TECPR2: variants seen among roughly 807,000 people sequenced by gnomAD.
TECPR2 encodes the protein tectonin beta-propeller repeat containing 2.
In TECPR2, 65 loss-of-function variants were observed where a neutral mutation model predicts 138.1. That is an observed-to-expected ratio of 0.47 (90% CI 0.39 to 0.58). The LOEUF (loss-of-function observed/expected upper bound fraction) is 0.58, where lower values mean the gene tolerates loss of function less well. TECPR2 is among the 20% of genes least tolerant of loss of function. The pLI is 0.00. For missense variants in TECPR2, 1,553 were observed against 1,824.5 expected (o/e 0.85, Z 2.71); for synonymous variants, 746 against 749.8 (o/e 0.99, Z 0.08).
At chr14:102,411,741 T>A (rs1158147208) in intron 4 of TECPR2, among the ~76,000 whole-genome samples, 2 of 95,768 alleles carry the variant, frequency 2.1e-5, no homozygotes, top group African/African-American at 7.7e-5. Flanking sequence ...AGAAGATGGC[T>A]GGATTCTGCA....
At chr14:102,446,402 C>A (rs1336815578) in intron 13 of TECPR2, among the ~76,000 whole-genome samples, 1 of 152,118 alleles carries the variant, frequency 6.6e-6, no homozygotes, top group Non-Finnish European at 1.5e-5. Context: ...AGTTCAAAGC[C>A]AGCCTGGGCA....
intron 17 of TECPR2, among the ~76,000 whole-genome samples, chr14:102,480,211 G>GTTTTTTTT: frequency 1.4e-5 from 1 of 71,368 alleles, no homozygotes; most frequent in Non-Finnish European, 2.6e-5. Context: ...ATCTTGGTTG[G>GTTTTTTTT]TTTTTTTTTT....
intron 17 of TECPR2, among the ~76,000 whole-genome samples, chr14:102,493,587 G>A (rs1595151511): frequency 6.6e-6 from 1 of 152,234 alleles, no homozygotes; most frequent in Non-Finnish European, 1.5e-5. Flanking sequence ...GAGGGAAGGT[G>A]GTGAATAGAA....
At position 102,431,822 on chromosome 14, in the gene TECPR2, T is replaced by C; in HGVS notation, c.1111T>C (p.Cys371Arg). ...TVRDGLEMSGCSERVHVQQAE... is the reference protein window; with the variant it reads ...TVRDGLEMSGRSERVHVQQAE... ...GAGAGATGGTCTGGAGATGTCTGGA[T>C]GCTCAGAGCGTGTCCACGTGCAGCA... is the stretch of plus-strand genomic sequence containing the variant. The change falls in exon 8 of 20, where the codon TGC becomes CGC. Residue 371 changes from cysteine to arginine, a missense_variant. Cys to Arg is a radical substitution (Grantham distance 180). Transcript: ENST00000359520. 6.3e-7 allele frequency: 1 copy of C among 1,581,676 alleles called. No homozygotes were observed. The highest frequency in any genetic ancestry group is 8.6e-7 in the Non-Finnish European group (1 of 1,157,882).
chr14:102,484,790 TGGGATTACA>T (rs1890985333), intron 17 of TECPR2, among the ~76,000 whole-genome samples: 1 of 152,218 alleles, frequency 6.6e-6, no homozygotes, highest in Non-Finnish European at 1.5e-5. Context: ...CCCGAGTAGC[TGGGATTACA>T]GGCGCATGCC....
intron 17 of TECPR2, among the ~76,000 whole-genome samples, chr14:102,490,796 G>A (rs2139796748): frequency 6.6e-6 from 1 of 152,334 alleles, no homozygotes; most frequent in Non-Finnish European, 1.5e-5. Flanking sequence ...CCGGAACGGG[G>A]TTCTTGTTCT....
intron 17 of TECPR2, among the ~76,000 whole-genome samples, chr14:102,477,779 C>CA (rs1337606057): frequency 2.3e-5 from 3 of 128,194 alleles, no homozygotes; most frequent in African/African-American, 8.8e-5. Flanking sequence ...CCAGGACATA[C>CA]AAAAAATTAG....
rs565236204 is a variant in TECPR2, at chr14:102,428,222, G to GTTTTTTTTTTTTTT, written c.952-19_952-6dup. 686 of 1,058,472 alleles carry GTTTTTTTTTTTTTT rather than the reference G, an allele frequency of 6.5e-4. 25 individuals carry two copies. The highest frequency in any genetic ancestry group is 2.1e-3 in the South Asian group (110 of 51,622). The allele number at this position is 1,058,472 out of a possible 1,614,324, so 65.6% of individuals were successfully genotyped here. The stretch of plus-strand genomic sequence containing the variant: ...ACCGTTGTTTAGTTTTGTGTTTTTT[G>GTTTTTTTTTTTTTT]TTTTTTTTTTTTTTTTTTTTTTGAC... On this transcript the variant is annotated intron_variant, in intron 6 of 19. Coordinates refer to ENST00000359520, the MANE Select transcript of TECPR2 (RefSeq NM_014844.5).
intron 1 of TECPR2, among the ~76,000 whole-genome samples, chr14:102,371,893 C>CTG (rs1225445237): frequency 6.6e-6 from 1 of 152,088 alleles, no homozygotes; most frequent in East Asian, 1.9e-4. Flanking sequence ...GTGAAAAAGT[C>CTG]TGTGTGTGTG....
chr14:102,382,781 G>A (rs966964554), intron 2 of TECPR2, among the ~76,000 whole-genome samples: 40 of 150,756 alleles, frequency 2.7e-4, no homozygotes, highest in African/African-American at 8.3e-4. Flanking sequence ...TTTTCGAGAC[G>A]GAGTTTTGCT....
At chr14:102,433,127 T>A (rs1274337320) in intron 8 of TECPR2, among the ~76,000 whole-genome samples, 2 of 152,120 alleles carry the variant, frequency 1.3e-5, no homozygotes, top group Non-Finnish European at 2.9e-5. Flanking sequence ...CTTGGGACAT[T>A]TTATGTTTAG....
chr14:102,444,605 T>C (rs1426784819), intron 12 of TECPR2, among the ~76,000 whole-genome samples: 2 of 152,110 alleles, frequency 1.3e-5, no homozygotes, highest in East Asian at 1.9e-4. Context: ...GTATTAATAG[T>C]CCTTTGAAAA....
rs1463061657 is a variant in TECPR2 at position 102,449,685 on chromosome 14, C to T, written c.3132C>T (p.Ile1044=). ...AGTGCAGCTTATTTCAGACGATAAT[C>T]CATGCCACTCACTCGGTGGCCACAG... The part of the protein sequence containing the change: ...FDQCSLFQTI[I]HATHSVATAA... Residue 1044 remains isoleucine, a synonymous_variant, in exon 14 of 20, where the codon ATC becomes ATT. Coordinates refer to ENST00000359520, the MANE Select transcript of TECPR2 (RefSeq NM_014844.5). 1 of 1,614,198 alleles carries T rather than the reference C, an allele frequency of 6.2e-7. No individual in the cohort carries two copies. Among genetic ancestry groups the T allele is most frequent in the East Asian group, 2.2e-5 (1 of 44,888 alleles).
At chr14:102,433,823 G>A (rs923054434) in intron 8 of TECPR2, among the ~76,000 whole-genome samples, 1 of 152,168 alleles carries the variant, frequency 6.6e-6, no homozygotes, top group Non-Finnish European at 1.5e-5. Flanking sequence ...ACCGTGCACA[G>A]CCCAGATTTC....
At chr14:102,428,427 CTA>C in intron 7 of TECPR2, 45 bp downstream of exon 7, 1 of 1,600,564 alleles carries the variant, frequency 6.2e-7, no homozygotes, top group Non-Finnish European at 8.5e-7. Flanking sequence ...ATGGGAAGTA[CTA>C]TACTCTGTTG....
intron 4 of TECPR2, among the ~76,000 whole-genome samples, chr14:102,411,267 T>A (rs1241039140): frequency 6.6e-6 from 1 of 152,256 alleles, no homozygotes; most frequent in Non-Finnish European, 1.5e-5. Context: ...TTATTTTTCT[T>A]ATTAATATAA....
chr14:102,467,617 C>T (rs905589614), intron 17 of TECPR2, among the ~76,000 whole-genome samples: 1 of 152,016 alleles, frequency 6.6e-6, no homozygotes, highest in African/African-American at 2.4e-5. Context: ...TGAGCCACTG[C>T]GCCTGGCCTT....
intron 1 of TECPR2, among the ~76,000 whole-genome samples, chr14:102,372,431 A>C (rs998837012): frequency 3.9e-5 from 6 of 151,946 alleles, no homozygotes; most frequent in African/African-American, 1.5e-4. Context: ...ACGCCCAGGT[A>C]ATTTTGTATT....
chr14:102,464,220 G>C (rs548573117), intron 16 of TECPR2, among the ~76,000 whole-genome samples: 2 of 152,310 alleles, frequency 1.3e-5, no homozygotes, highest in African/African-American at 4.8e-5. Context: ...CTGGCTGACA[G>C]CCTGTCCACA....
Sources: gnomAD v4.1 joint callset for allele counts (sites outside exome capture counted in the v4.1 genomes callset) on GRCh38, gnomAD v4.1.1 for gene constraint, MANE v1.5 for transcripts, NCBI Gene and HGNC (gene_info 2026-07-23, HGNC 2026-07-21) for gene names.